EPB41L3: variants seen among roughly 807,000 people sequenced by gnomAD.
EPB41L3 encodes the protein band 4.1-like protein 3.
A neutral mutation model predicts 127.1 loss-of-function variants in EPB41L3; 57 were observed. That is an observed-to-expected ratio of 0.45 (90% CI 0.36 to 0.56). The LOEUF (loss-of-function observed/expected upper bound fraction) is 0.56. Among genes scored for constraint, EPB41L3 ranks in the 20% least tolerant of loss-of-function variants. EPB41L3 has a pLI of 0.00. For synonymous variants in EPB41L3, 572 were observed against 549.5 expected (o/e 1.04, Z -0.57); for missense variants, 1,273 against 1,372.2 (o/e 0.93, Z 1.14).
At chr18:5,398,990 G>A (rs377584997) in intron 16 of EPB41L3, 2 of 399,124 alleles carry the variant, frequency 5.0e-6, no homozygotes, top group Middle Eastern at 6.3e-4. Context: ...TCTCATCAGC[G>A]AGGGTTTCCA....
Position 5,397,022 on chromosome 18 carries a change from A to C in EPB41L3, c.2841+36T>G. Reference sequence around the variant, plus strand: ...TTTCCAGGCATCCTATATCAGTTTTATTTTAGTGATAAAAGTAACATTTAC... The same window carrying C: ...TTTCCAGGCATCCTATATCAGTTTTCTTTTAGTGATAAAAGTAACATTTAC... On this transcript the variant is annotated intron_variant, in intron 18 of 22. Transcript: ENST00000341928. This position sits in a 1 kb window ranked among gnomAD's most constrained non-coding sequence, Gnocchi z 4.1. The C allele has an allele frequency of 6.6e-7, 1 of 1,515,542 alleles. No homozygotes were observed. The highest frequency in any genetic ancestry group is 1.3e-5 in the South Asian group (1 of 77,852). The allele number at this position is 1,515,542 out of a possible 1,614,324, so 93.9% of individuals were successfully genotyped here. A position where few individuals can be genotyped will look rare whatever the true frequency, so the allele number is the denominator to read the frequency against.
chr18:5,613,994 A>C (rs1253802606), intron 2 of EPB41L3, among the ~76,000 whole-genome samples: 1 of 152,228 alleles, frequency 6.6e-6, no homozygotes, highest in East Asian at 1.9e-4. Flanking sequence ...GTTATCTTTG[A>C]GGATGTATAG....
chr18:5,454,020 C>T (rs2082661254), intron 3 of EPB41L3, among the ~76,000 whole-genome samples: 1 of 152,102 alleles, frequency 6.6e-6, no homozygotes, highest in Admixed American at 6.5e-5. Flanking sequence ...CCATTTACCT[C>T]AAGGATGGAG....
intron 1 of EPB41L3, among the ~76,000 whole-genome samples, chr18:5,617,509 G>T (rs368845110): frequency 4.6e-5 from 7 of 151,946 alleles, no homozygotes; most frequent in African/African-American, 1.7e-4. Context: ...TAGTAGAGAC[G>T]GGGTTTCACC....
intron 1 of EPB41L3, among the ~76,000 whole-genome samples, chr18:5,510,196 C>A (rs1598460991): frequency 6.6e-6 from 1 of 152,288 alleles, no homozygotes; most frequent in Non-Finnish European, 1.5e-5. Context: ...TGCTAATAGG[C>A]CCATGACATG....
intron 5 of EPB41L3, among the ~76,000 whole-genome samples, chr18:5,441,615 G>A (rs1334915424): frequency 3.5e-4 from 53 of 152,192 alleles, no homozygotes; most frequent in African/African-American, 1.0e-3. Flanking sequence ...ACAGGCGCAC[G>A]CCACCATGCC....
chr18:5,455,320 A>G (rs899905324), intron 3 of EPB41L3, among the ~76,000 whole-genome samples: 1 of 152,208 alleles, frequency 6.6e-6, no homozygotes, highest in Non-Finnish European at 1.5e-5. Flanking sequence ...TTCTCTTTAC[A>G]TAGGTAAAAC....
At chr18:5,520,632 CATAAAA>C (rs1443991748) in intron 1 of EPB41L3, among the ~76,000 whole-genome samples, 1 of 147,524 alleles carries the variant, frequency 6.8e-6, no homozygotes, top group Non-Finnish European at 1.5e-5. Flanking sequence ...GAAAACAAAA[CATAAAA>C]ATAAAAAGGG....
intron 3 of EPB41L3, among the ~76,000 whole-genome samples, chr18:5,586,397 TTTTTTG>T (rs1258504134): frequency 1.3e-5 from 1 of 76,468 alleles, no homozygotes; most frequent in Admixed American, 1.4e-4. Context: ...TTTCTTTTTC[TTTTTTG>T]TTTTTTTTTT....
chr18:5,503,661 A>C (rs2091927244), intron 1 of EPB41L3, among the ~76,000 whole-genome samples: 1 of 152,256 alleles, frequency 6.6e-6, no homozygotes, highest in Admixed American at 6.5e-5. Flanking sequence ...ATTTGAAGAC[A>C]GAAATGACAA....
chr18:5,514,731 T>C (rs563638164), intron 1 of EPB41L3, among the ~76,000 whole-genome samples: 1 of 152,300 alleles, frequency 6.6e-6, no homozygotes, highest in Admixed American at 6.5e-5. Context: ...ATTACTTGGA[T>C]GCTGGAGGTT....
chr18:5,436,472 G>T (rs56299928), intron 6 of EPB41L3, among the ~76,000 whole-genome samples: 1 of 142,620 alleles, frequency 7.0e-6, no homozygotes, highest in Non-Finnish European at 1.5e-5. Context: ...GCAGTGGCGC[G>T]ATCTCGGCTC....
In EPB41L3 at chr18:5,577,525, A is replaced by G. The variant is rs149594307; in HGVS notation, c.-306+34815T>C. On this transcript the variant is annotated intron_variant, in intron 3 of 21. Transcript: ENST00000545076. ...CTATCACATCCAGATTCTCTCCTTA[A>G]ATTCAACACTCCAAAAATCAAGCCG... is the stretch of plus-strand genomic sequence containing the variant. The G allele has an allele frequency of 4.0e-3, 1,282 of 317,660 alleles. 4 individuals carry two copies. Among genetic ancestry groups the G allele is most frequent in the African/African-American group, 5.2e-3 (236 of 45,246 alleles). The allele number at this position is 317,660 out of a possible 1,614,324, so 19.7% of individuals were successfully genotyped here.
chr18:5,480,323 A>G (rs2088180080), intron 2 of EPB41L3, among the ~76,000 whole-genome samples: 1 of 152,216 alleles, frequency 6.6e-6, no homozygotes. Context: ...AGTACCTCAA[A>G]TGAAATGTCA....
chr18:5,396,233 C>T lies in EPB41L3; in HGVS notation c.2941G>A (p.Glu981Lys), dbSNP rs371591392. 3 of 1,614,042 alleles carry T rather than the reference C, an allele frequency of 1.9e-6. No individual in the cohort carries two copies. Among genetic ancestry groups the T allele is most frequent in the African/African-American group, 1.3e-5 (1 of 74,924 alleles). ...GATTCATATGTGATGGTTTTGGTTT[C>T]GGTGTGAACTACTGGCACTTCCTTC... Reference protein sequence around the residue: ...STKEVPVVHTETKTITYESSQ... With the variant: ...STKEVPVVHTKTKTITYESSQ... The change falls in exon 19 of 23, where the codon GAA becomes AAA. Residue 981 changes from glutamate (E) to lysine (K), a missense_variant. Glu to Lys is a moderately conservative substitution (Grantham distance 56). Coordinates refer to ENST00000341928, the MANE Select transcript of EPB41L3 (RefSeq NM_012307.5).
intron 3 of EPB41L3, among the ~76,000 whole-genome samples, chr18:5,574,213 T>C (rs1041138797): frequency 5.3e-5 from 8 of 152,036 alleles, no homozygotes; most frequent in Non-Finnish European, 5.9e-5. Flanking sequence ...AGATGTACCA[T>C]GGATATGAAC....
chr18:5,510,884 T>C (rs2092476795), intron 1 of EPB41L3, among the ~76,000 whole-genome samples: 1 of 152,196 alleles, frequency 6.6e-6, no homozygotes. Context: ...CCTTAAAAGC[T>C]AGCTCTATCT....
intron 16 of EPB41L3, among the ~76,000 whole-genome samples, chr18:5,402,450 G>A (rs955577226): frequency 1.3e-5 from 2 of 151,972 alleles, no homozygotes; most frequent in African/African-American, 2.4e-5. Flanking sequence ...AACCCCCAGC[G>A]AAACAGTGGT....
chr18:5,461,700 T>C (rs1181887753), intron 3 of EPB41L3, among the ~76,000 whole-genome samples: 1 of 152,152 alleles, frequency 6.6e-6, no homozygotes, highest in Non-Finnish European at 1.5e-5. Flanking sequence ...AACAGGAAGA[T>C]CCTAAATTCT....
Sources: gnomAD v4.1 joint callset for allele counts (sites outside exome capture counted in the v4.1 genomes callset) on GRCh38, gnomAD v4.1.1 for gene constraint, Gnocchi (gnomAD v3.1) non-coding constraint, MANE v1.5 for transcripts, NCBI Gene and HGNC (gene_info 2026-07-23, HGNC 2026-07-21) for gene names.